FREM2: variants seen among roughly 807,000 people sequenced by gnomAD.
FREM2 encodes the protein FRAS1 related extracellular matrix 2.
FREM2 carries 119 observed loss-of-function variants against 219.9 expected under a neutral mutation model. That is an observed-to-expected ratio of 0.54 (90% CI 0.47 to 0.63). The LOEUF is 0.63. FREM2 is among the 30% of genes least tolerant of loss of function. The pLI is 0.00. For missense variants in FREM2, 4,030 were observed against 3,993.6 expected, an observed-to-expected ratio of 1.01 and a Z score of -0.25; for synonymous variants, 1,562 against 1,522.8, an observed-to-expected ratio of 1.03 and a Z score of -0.60.
chr13:38,864,632 G>T, intron 16 of FREM2, 26 bp downstream of exon 16: 1 of 1,593,122 alleles, frequency 6.3e-7, no homozygotes, highest in South Asian at 1.1e-5. Context: ...ATCTGAGTTT[G>T]GTCACTGGAT....
intron 6 of FREM2, among the ~76,000 whole-genome samples, chr13:38,816,374 A>G (rs894115422): frequency 1.3e-5 from 2 of 152,188 alleles, no homozygotes; most frequent in African/African-American, 4.8e-5. Flanking sequence ...TATTAAACAA[A>G]TCATTCACTG....
intron 2 of FREM2, among the ~76,000 whole-genome samples, chr13:38,734,813 C>T (rs962079545): frequency 7.6e-6 from 1 of 131,480 alleles, no homozygotes; most frequent in African/African-American, 2.8e-5. Flanking sequence ...GTGGCACGAT[C>T]TCAGCTCACT....
At chr13:38,723,659 G>A (rs976005064) in intron 2 of FREM2, among the ~76,000 whole-genome samples, 4 of 152,216 alleles carry the variant, frequency 2.6e-5, no homozygotes, top group East Asian at 3.9e-4. Flanking sequence ...ACCTCCATGC[G>A]AGAACTGATT....
intron 8 of FREM2, 134 bp from the exon 9 acceptor site, chr13:38,849,904 G>A (rs1204252284): frequency 4.0e-6 from 3 of 751,872 alleles, no homozygotes; most frequent in Non-Finnish European, 6.9e-6. Context: ...TCAAAATATT[G>A]GCAAGTGACT....
At chr13:38,787,752 A>G (rs1874389321) in intron 6 of FREM2, among the ~76,000 whole-genome samples, 1 of 148,846 alleles carries the variant, frequency 6.7e-6, no homozygotes, top group South Asian at 2.1e-4. Flanking sequence ...TAATGTTATT[A>G]TTTATTATTT....
In FREM2 at chr13:38,864,262, C is replaced by A; in HGVS notation, c.7652-13C>A. On this transcript the variant is annotated splice_polypyrimidine_tract_variant and intron_variant, in intron 15 of 23. Transcript: ENST00000280481. ...CTTGAAAGACTGTTAACAATGATTT[C>A]GATTTATCATAGGCATGCTCCCCGT... 2 of 1,602,266 alleles carry A rather than the reference C, an allele frequency of 1.2e-6. No individual in the cohort carries two copies. The highest frequency in any genetic ancestry group is 1.7e-6 in the Non-Finnish European group (2 of 1,170,280).
At chr13:38,740,296 T>G (rs1369250334) in intron 2 of FREM2, among the ~76,000 whole-genome samples, 1 of 152,232 alleles carries the variant, frequency 6.6e-6, no homozygotes, top group Non-Finnish European at 1.5e-5. Flanking sequence ...GTTCGAGAGA[T>G]ATGTTACTTC....
At chr13:38,776,868 A>G (rs1246338529) in intron 4 of FREM2, among the ~76,000 whole-genome samples, 1 of 151,706 alleles carries the variant, frequency 6.6e-6, no homozygotes, top group African/African-American at 2.4e-5. Context: ...AACCATTGTT[A>G]ACATTTGAGA....
chr13:38,746,913 T>C (rs928689971), intron 2 of FREM2, among the ~76,000 whole-genome samples: 6 of 152,202 alleles, frequency 3.9e-5, no homozygotes, highest in African/African-American at 1.2e-4. Context: ...CAGCATTTCC[T>C]GGGTCCTTGG....
chr13:38,706,278 A>G (rs1870536376), intron 2 of FREM2, among the ~76,000 whole-genome samples: 1 of 152,228 alleles, frequency 6.6e-6, no homozygotes, highest in South Asian at 2.1e-4. Flanking sequence ...TCTCTAATAC[A>G]CTGAGCCATA....
chr13:38,836,063 A>G (rs1424998149), intron 6 of FREM2, among the ~76,000 whole-genome samples: 1 of 152,104 alleles, frequency 6.6e-6, no homozygotes, highest in Non-Finnish European at 1.5e-5. Flanking sequence ...CATTTGTGTG[A>G]TATTGGCTGT....
chr13:38,841,523 C>T (rs1876963970), intron 6 of FREM2, among the ~76,000 whole-genome samples: 1 of 151,902 alleles, frequency 6.6e-6, no homozygotes, highest in African/African-American at 2.4e-5. Context: ...AGTATACTTC[C>T]TATTTGGGAA....
At chr13:38,804,214 G>A (rs1875131966) in intron 6 of FREM2, among the ~76,000 whole-genome samples, 1 of 151,800 alleles carries the variant, frequency 6.6e-6, no homozygotes, top group South Asian at 2.1e-4. Context: ...ATTTAATATA[G>A]TTGATGATTC....
At chr13:38,794,274 G>A (rs542713436) in intron 6 of FREM2, among the ~76,000 whole-genome samples, 2 of 152,284 alleles carry the variant, frequency 1.3e-5, no homozygotes, top group South Asian at 4.1e-4. Flanking sequence ...AGAATAGTCA[G>A]TATTAAGGGT....
At chr13:38,879,003 AG>A (rs1878450976) in intron 23 of FREM2, 26 bp downstream of exon 23, 1 of 1,612,352 alleles carries the variant, frequency 6.2e-7, no homozygotes, top group African/African-American at 1.3e-5. Flanking sequence ...GCTCATTTGT[AG>A]TAGTTGTGTA....
chr13:38,796,630 A>C (rs1874796490), intron 6 of FREM2, among the ~76,000 whole-genome samples: 1 of 152,114 alleles, frequency 6.6e-6, no homozygotes, highest in Non-Finnish European at 1.5e-5. Context: ...ATTGCTTGTG[A>C]ATTCATAAGT....
intron 6 of FREM2, among the ~76,000 whole-genome samples, chr13:38,844,125 T>C (rs1279906288): frequency 6.6e-6 from 1 of 152,186 alleles, no homozygotes; most frequent in African/African-American, 2.4e-5. Flanking sequence ...AGTTGAAGGA[T>C]TTAGGGTTAA....
Position 38,692,533 on chromosome 13 carries a change from CT to C in FREM2, c.5173+20del. 6.2e-7 allele frequency: 1 copy of C among 1,605,362 alleles called. No individual in the cohort carries two copies. The highest frequency in any genetic ancestry group is 8.5e-7 in the Non-Finnish European group (1 of 1,179,810). On this transcript the variant is annotated intron_variant, in intron 1 of 23. Coordinates refer to ENST00000280481, the MANE Select transcript of FREM2 (RefSeq NM_207361.6). Reference sequence around the variant, plus strand: ...TTCACACAAGGTATGTTTCATGTTTCTTTTCTTGGTTATCCTTGTTTCCTGA... The same window carrying C: ...TTCACACAAGGTATGTTTCATGTTTCTTTCTTGGTTATCCTTGTTTCCTGA...
rs772399849 is a variant in FREM2 at position 38,691,780 on chromosome 13, T to A, written c.4436T>A (p.Ile1479Asn). The stretch of plus-strand genomic sequence containing the variant: ...TGCACGGATCAGCCTGGTGTGTCCA[T>A]CACGTCTTTCACTCAGCTGCAACTG... ...LECTDQPGVS[I>N]TSFTQLQLAG... Residue 1479 changes from isoleucine (I) to asparagine (N), a missense_variant, in exon 1 of 24, where the codon ATC becomes AAC. By Grantham distance (149) the Ile-to-Asn change is moderately radical (BLOSUM62 -3). Around this residue, in one of 2 missense-constraint regions of FREM2, gnomAD observed 3,102 missense variants for 2,950.7 expected, o/e 1.05. Coordinates refer to ENST00000280481, the MANE Select transcript of FREM2 (RefSeq NM_207361.6). 3.7e-6 allele frequency: 6 copies of A among 1,614,064 alleles called. No individual in the cohort carries two copies. In the Admixed American group the frequency reaches 1.0e-4, roughly 27 times the overall value.
Sources: allele counts gnomAD v4.1 joint callset (sites outside exome capture counted in the v4.1 genomes callset), GRCh38; gene constraint gnomAD v4.1.1; regional missense constraint gnomAD v4.1.1; transcripts MANE v1.5; gene names NCBI Gene and HGNC (gene_info 2026-07-23, HGNC 2026-07-21).